LCOR: variants seen among roughly 807,000 people sequenced by gnomAD.
LCOR encodes the protein ligand dependent nuclear receptor corepressor.
A neutral mutation model predicts 64.4 loss-of-function variants in LCOR; 14 were observed. That is an observed-to-expected ratio of 0.22 (90% CI 0.14 to 0.34). The LOEUF is 0.34. Ranked by LOEUF, LCOR falls within the 10% of genes least tolerant of loss-of-function variation. The probability of loss-of-function intolerance (pLI) is 1.00; values close to 1 mark genes in which losing one functional copy is unlikely to be tolerated. For synonymous variants in LCOR, 643 were observed against 642.5 expected (o/e 1.00, Z -0.01); for missense variants, 1,686 against 1,765.3 (o/e 0.96, Z 0.80).
chr10:96,952,107 T>G lies in LCOR; in HGVS notation c.243T>G (p.Gly81=). 1 of 1,612,534 alleles carries G rather than the reference T, an allele frequency of 6.2e-7. No individual in the cohort carries two copies. The highest frequency in any genetic ancestry group is 2.2e-5 in the East Asian group (1 of 44,870). ...KSQSEPSEQD[G]VLDLSTKKSP... ...TGTTTCTTTGTGTCTCTGCAGACGG[T>G]GTACTTGATCTGTCCACTAAGAAAA... Residue 81 remains glycine (G), a synonymous_variant, in exon 7 of 8, where the codon GGT becomes GGG. Transcript: ENST00000421806.
rs780304896 is a variant in LCOR, at chr10:96,982,611, C to A, written c.2151C>A (p.Pro717=). 6.2e-7 allele frequency: 1 copy of A among 1,614,172 alleles called. No individual in the cohort carries two copies. The highest frequency in any genetic ancestry group is 8.5e-7 in the Non-Finnish European group (1 of 1,180,032). ...GTTCCCCAATGGGCTTGGAGCCCCC[C>A]ATGAGTCTGGGAAAGGCTGAGGACA... ...NQSSPMGLEP[P]MSLGKAEDNQ... is the part of the protein sequence containing the mutation. Residue 717 remains proline (P), a synonymous_variant, in exon 8 of 8, where the codon CCC becomes CCA. Coordinates refer to ENST00000421806, the MANE Select transcript of LCOR (RefSeq NM_001346516.2).
chr10:96,955,835 G>T (rs1437758394), intron 7 of LCOR: 8 of 1,614,168 alleles, frequency 5.0e-6, no homozygotes, highest in Non-Finnish European at 6.8e-6. Flanking sequence ...AATTAATGAG[G>T]TCGGAGGGGC....
chr10:96,895,437 C>G (rs1182247672), intron 2 of LCOR, among the ~76,000 whole-genome samples: 1 of 152,164 alleles, frequency 6.6e-6, no homozygotes, highest in Non-Finnish European at 1.5e-5. Flanking sequence ...CTATCTCTTG[C>G]CAAGGCTGTT....
At position 96,891,482 on chromosome 10, in the gene LCOR, C is replaced by CTT. The variant is rs745839487; in HGVS notation, c.-329-15764_-329-15763dup. On this transcript the variant is annotated intron_variant, in intron 2 of 7. Transcript: ENST00000421806. Reference sequence around the variant, plus strand: ...TTCATTGATACTGATTTTTCTGACTCTTTTTTTTTTTTTTTTTTTTGAGAC... The same window carrying CTT: ...TTCATTGATACTGATTTTTCTGACTCTTTTTTTTTTTTTTTTTTTTTTGAGAC... 6.1e-3 allele frequency among the ~76,000 whole-genome samples: 173 copies of CTT among 28,496 alleles called. 6 individuals carry two copies. The highest frequency in any genetic ancestry group is 0.014 in the African/African-American group (119 of 8,232). 18.7% of individuals were successfully genotyped at this position (28,496 alleles called of 152,430 possible). A position where few individuals can be genotyped will look rare whatever the true frequency, so the allele number is the denominator to read the frequency against.
intron 2 of LCOR, among the ~76,000 whole-genome samples, chr10:96,893,486 C>A (rs930493920): frequency 1.3e-5 from 2 of 152,082 alleles, no homozygotes; most frequent in African/African-American, 4.8e-5. Context: ...AAGGTATGGC[C>A]AGGCACAGTG....
Position 96,982,953 on chromosome 10 carries a change from A to G in LCOR, c.2493A>G (p.Leu831=). The change falls in exon 8 of 8, where the codon CTA becomes CTG. Residue 831 remains leucine, a synonymous_variant. Transcript: ENST00000421806. ...LSDSSSADRC[L]RNQSSDSSSA... ...ATTCTTCCTCTGCTGACAGATGCCT[A>G]AGAAATCAGAGTTCAGATTCTTCCT... The G allele has an allele frequency of 6.2e-7, 1 of 1,613,174 alleles. No homozygotes were observed. Among genetic ancestry groups the G allele is most frequent in the Non-Finnish European group, 8.5e-7 (1 of 1,179,750 alleles).
chr10:96,876,477 GT>G (rs1394460975), intron 2 of LCOR, among the ~76,000 whole-genome samples: 11 of 152,074 alleles, frequency 7.2e-5, no homozygotes, highest in Admixed American at 2.0e-4. Flanking sequence ...AAAGGAAATG[GT>G]TTATATAAAA....
chr10:96,984,246 A>G lies in LCOR; in HGVS notation c.3786A>G (p.Arg1262=). 6.2e-7 allele frequency: 1 copy of G among 1,614,148 alleles called. No individual in the cohort carries two copies. Among genetic ancestry groups the G allele is most frequent in the Non-Finnish European group, 8.5e-7 (1 of 1,180,026 alleles). The change falls in exon 8 of 8, where the codon CGA becomes CGG. Residue 1262 remains arginine (R), a synonymous_variant. Transcript: ENST00000421806. ...TGCAGAAGCTCTGGGCCAAATTTCG[A>G]GAGAATCCTGATCAAGTGGAGCCAG... ...WKMQKLWAKF[R]ENPDQVEPED... is the part of the protein sequence containing the mutation.
chr10:96,868,072 C>T (rs1203523816), intron 2 of LCOR, among the ~76,000 whole-genome samples: 5 of 151,052 alleles, frequency 3.3e-5, no homozygotes, highest in Admixed American at 6.6e-5. Context: ...TTAGTAGAGA[C>T]GGAGTTTCTC....
intron 7 of LCOR, chr10:96,959,024 A>G (rs1847839201): frequency 6.6e-6 from 1 of 151,914 alleles, no homozygotes. Flanking sequence ...TTTAATGTTA[A>G]ATTTTGTGTT....
chr10:96,846,217 C>A (rs1845627357), intron 2 of LCOR, among the ~76,000 whole-genome samples: 2 of 151,880 alleles, frequency 1.3e-5, no homozygotes, highest in South Asian at 2.1e-4. Context: ...AAAACAAAAA[C>A]AAAACTGGAA....
chr10:96,965,040 GCT>G (rs1264739239), intron 7 of LCOR, among the ~76,000 whole-genome samples: 5 of 151,162 alleles, frequency 3.3e-5, no homozygotes, highest in Admixed American at 3.3e-4. Flanking sequence ...ATGGAGTCTC[GCT>G]CTGTCTCCCA....
intron 2 of LCOR, among the ~76,000 whole-genome samples, chr10:96,888,998 T>TA (rs1485131309): frequency 6.6e-6 from 1 of 152,246 alleles, no homozygotes; most frequent in Admixed American, 6.5e-5. Flanking sequence ...CACTCCATTT[T>TA]AAAAAACTAA....
At chr10:96,956,143 G>A (rs1445388579) in intron 7 of LCOR, 1 of 1,349,244 alleles carries the variant, frequency 7.4e-7, no homozygotes, top group Non-Finnish European at 9.5e-7. Flanking sequence ...CCTTTTGCAT[G>A]TTTCTCTACA....
chr10:96,993,005 T>C lies in LCOR; in HGVS notation c.*7871T>C, dbSNP rs1424164350. ...CCCCCTGTAACCAGTGGTTACAGAA[T>C]GATACCATCTGTTCTAAGATGTGGT... On this transcript the variant is annotated 3_prime_UTR_variant, in exon 8 of 8. Coordinates refer to ENST00000421806, the MANE Select transcript of LCOR (RefSeq NM_001346516.2). 2.0e-5 allele frequency: 3 copies of C among 152,282 alleles called. No individual in the cohort carries two copies. Among genetic ancestry groups the C allele is most frequent in the African/African-American group, 7.2e-5 (3 of 41,456 alleles). 9.4% of individuals were successfully genotyped at this position (152,282 alleles called of 1,614,324 possible). A position where few individuals can be genotyped will look rare whatever the true frequency, so the allele number is the denominator to read the frequency against.
At chr10:96,842,775 C>T (rs968980761) in intron 2 of LCOR, among the ~76,000 whole-genome samples, 2 of 151,722 alleles carry the variant, frequency 1.3e-5, no homozygotes, top group African/African-American at 4.8e-5. Context: ...GGATTACAGG[C>T]ATATGCCACC....
chr10:96,849,775 T>C (rs1845694860), intron 2 of LCOR, among the ~76,000 whole-genome samples: 1 of 151,612 alleles, frequency 6.6e-6, no homozygotes, highest in Non-Finnish European at 1.5e-5. Flanking sequence ...CGTAATAAGA[T>C]GGCATGTGTG....
At chr10:96,925,428 T>A (rs1589660379) in intron 4 of LCOR, among the ~76,000 whole-genome samples, 1 of 152,308 alleles carries the variant, frequency 6.6e-6, no homozygotes, top group East Asian at 1.9e-4. Context: ...AACATTTATT[T>A]TGTAGAATTT....
intron 2 of LCOR, among the ~76,000 whole-genome samples, chr10:96,840,105 A>G (rs940793620): frequency 2.0e-5 from 3 of 152,226 alleles, no homozygotes; most frequent in African/African-American, 7.2e-5. Flanking sequence ...AGTGTCAGGT[A>G]TAATGATGTC....
Sources: allele counts gnomAD v4.1 joint callset (sites outside exome capture counted in the v4.1 genomes callset), GRCh38; gene constraint gnomAD v4.1.1; transcripts MANE v1.5; gene names NCBI Gene and HGNC (gene_info 2026-07-23, HGNC 2026-07-21).